ALMS1: variants seen among roughly 807,000 people sequenced by gnomAD.
ALMS1 encodes centrosome-associated protein ALMS1.
Under a neutral mutation model 352.2 loss-of-function variants are expected in ALMS1, and 271 were observed. The observed-to-expected ratio is 0.77, with a 90% CI of 0.70 to 0.85. The LOEUF (loss-of-function observed/expected upper bound fraction) is 0.85. ALMS1 is among the 40% of genes least tolerant of loss of function. The pLI is 0.00. For missense variants in ALMS1, 5,445 were observed against 4,870.7 expected, an observed-to-expected ratio of 1.12 and a Z score of -3.51; for synonymous variants, 1,865 against 1,761.2, an observed-to-expected ratio of 1.06 and a Z score of -1.48.
At chr2:73,598,903 C>T (rs767814068) in intron 16 of ALMS1, among the ~76,000 whole-genome samples, 1 of 152,188 alleles carries the variant, frequency 6.6e-6, no homozygotes, top group Non-Finnish European at 1.5e-5. Context: ...CTTTGGGACT[C>T]TCTAATACTT....
intron 3 of ALMS1, 86 bp from the exon 4 acceptor site, chr2:73,422,771 A>T (rs1671308384): frequency 3.8e-6 from 4 of 1,045,666 alleles, no homozygotes; most frequent in Non-Finnish European, 6.0e-6. Context: ...ATATGGCAGC[A>T]TATGTAGGTG....
At chr2:73,575,814 T>C (rs1345695613) in intron 16 of ALMS1, among the ~76,000 whole-genome samples, 1 of 151,964 alleles carries the variant, frequency 6.6e-6, no homozygotes, top group East Asian at 1.9e-4. Flanking sequence ...TCTTCTGACA[T>C]ATAGAAGTTT....
At chr2:73,557,061 A>G (rs76703498) in intron 13 of ALMS1, among the ~76,000 whole-genome samples, 159 bp from the exon 14 acceptor site, 1,701 of 152,244 alleles carry the variant, frequency 0.011, 32 homozygotes, top group African/African-American at 0.038. Flanking sequence ...AAATTTTTCA[A>G]TTCATGTCAC....
rs370733145 is a variant in ALMS1, at chr2:73,449,375, G to T, written c.2848G>T (p.Val950Leu). The change falls in exon 8 of 23, where the codon GTG (valine) becomes TTG (leucine). Residue 950 changes from valine (V) to leucine (L), a missense_variant. Transcript: ENST00000613296. Reference sequence around the variant, plus strand: ...TGCCCAGAAGACTGGGACACCAACAGTGTCCTCTAATTCTCACTCACATAG... The same window carrying T: ...TGCCCAGAAGACTGGGACACCAACATTGTCCTCTAATTCTCACTCACATAG... ...LAAQKTGTPT[V>L]SSNSHSHSEK... The T allele has an allele frequency of 5.6e-6, 9 of 1,613,958 alleles. No individual in the cohort carries two copies. In the African/African-American group the frequency reaches 6.7e-5, roughly 12 times the overall value.
chr2:73,572,854 T>C lies in ALMS1; in HGVS notation c.10977T>C (p.Ser3659=), dbSNP rs1674968438. ...STHDDSRGER[S]VKEWSGRQQQ... is the part of the protein sequence containing the mutation. ...ATGATGATAGCAGAGGGGAACGAAGTGTGAAGGAATGGAGTGGTAGACAAC... is the reference window on the plus strand; with the variant it reads ...ATGATGATAGCAGAGGGGAACGAAGCGTGAAGGAATGGAGTGGTAGACAAC... Residue 3659 remains serine, a synonymous_variant, in exon 16 of 23, where the codon AGT becomes AGC. Transcript: ENST00000613296. The C allele has an allele frequency of 1.2e-6, 2 of 1,613,746 alleles. No homozygotes were observed. The highest frequency in any genetic ancestry group is 2.7e-5 in the African/African-American group (2 of 74,812).
At chr2:73,415,875 T>C (rs937508359) in intron 2 of ALMS1, among the ~76,000 whole-genome samples, 4 of 152,070 alleles carry the variant, frequency 2.6e-5, no homozygotes, top group African/African-American at 9.7e-5. Context: ...GGCTCTGAAC[T>C]CTCAGAGGGG....
chr2:73,497,234 A>G (rs559086878), intron 10 of ALMS1, among the ~76,000 whole-genome samples: 1 of 152,044 alleles, frequency 6.6e-6, no homozygotes, highest in African/African-American at 2.4e-5. Flanking sequence ...TTCTCTGATT[A>G]TTTTAATTTT....
intron 15 of ALMS1, among the ~76,000 whole-genome samples, chr2:73,562,615 C>T (rs560266126): frequency 1.2e-4 from 18 of 152,050 alleles, no homozygotes; most frequent in Non-Finnish European, 2.5e-4. Flanking sequence ...AGGCCAGACG[C>T]GGTGGCTCAT....
At chr2:73,598,535 A>T (rs1469223390) in intron 16 of ALMS1, among the ~76,000 whole-genome samples, 1 of 152,192 alleles carries the variant, frequency 6.6e-6, no homozygotes, top group African/African-American at 2.4e-5. Context: ...TGACTCTGGA[A>T]TATGGTTTAT....
chr2:73,440,856 C>T (rs972618184), intron 7 of ALMS1, among the ~76,000 whole-genome samples: 1 of 152,184 alleles, frequency 6.6e-6, no homozygotes, highest in Non-Finnish European at 1.5e-5. Flanking sequence ...GTTTAGCAGG[C>T]AGTTGCTCTA....
chr2:73,459,694 T>G (rs1239931439), intron 9 of ALMS1, among the ~76,000 whole-genome samples: 1 of 152,174 alleles, frequency 6.6e-6, no homozygotes, highest in Admixed American at 6.5e-5. Context: ...GTTCTTATGA[T>G]CCCATCATTT....
chr2:73,466,232 C>T (rs575072063), intron 9 of ALMS1, among the ~76,000 whole-genome samples: 3 of 151,994 alleles, frequency 2.0e-5, no homozygotes, highest in African/African-American at 2.4e-5. Context: ...TTGGAACCAA[C>T]CCAAATGTCC....
At chr2:73,473,091 A>G (rs1354245056) in intron 9 of ALMS1, among the ~76,000 whole-genome samples, 1 of 152,090 alleles carries the variant, frequency 6.6e-6, no homozygotes, top group Non-Finnish European at 1.5e-5. Flanking sequence ...CTAGGATTGG[A>G]CAACTCCTCA....
intron 9 of ALMS1, among the ~76,000 whole-genome samples, chr2:73,482,082 C>G (rs957723010): frequency 6.6e-6 from 1 of 152,106 alleles, no homozygotes; most frequent in Non-Finnish European, 1.5e-5. Flanking sequence ...CTTCTCCTGC[C>G]TAATTGCCCT....
chr2:73,427,087 T>C (rs912032237), intron 6 of ALMS1, among the ~76,000 whole-genome samples: 1 of 152,212 alleles, frequency 6.6e-6, no homozygotes, highest in African/African-American at 2.4e-5. Context: ...GCAGCCTAAC[T>C]CTTCCTAGTT....
intron 15 of ALMS1, among the ~76,000 whole-genome samples, chr2:73,570,428 A>T (rs1674901361): frequency 6.6e-6 from 1 of 152,184 alleles, no homozygotes; most frequent in Non-Finnish European, 1.5e-5. Flanking sequence ...CATTGATCAT[A>T]TTAGCAAGAG....
intron 7 of ALMS1, among the ~76,000 whole-genome samples, chr2:73,439,021 T>TTTTTTTCTTC (rs770910835): frequency 6.6e-6 from 1 of 151,870 alleles, no homozygotes; most frequent in Non-Finnish European, 1.5e-5. Flanking sequence ...CTCCTCCTCC[T>TTTTTTTCTTC]TTTTTTCTTC....
At chr2:73,484,344 G>A (rs960880103) in intron 9 of ALMS1, among the ~76,000 whole-genome samples, 33 of 150,452 alleles carry the variant, frequency 2.2e-4, no homozygotes, top group South Asian at 2.1e-4. Flanking sequence ...GCTTAGTTTG[G>A]CTGGATATGA....
At chr2:73,544,485 T>TG (rs1313916060) in intron 12 of ALMS1, among the ~76,000 whole-genome samples, 2 of 152,128 alleles carry the variant, frequency 1.3e-5, no homozygotes, top group South Asian at 4.2e-4. Context: ...CTGCACGTTG[T>TG]CACATGTACC....
Sources: allele counts gnomAD v4.1 joint callset (sites outside exome capture counted in the v4.1 genomes callset), GRCh38; gene constraint gnomAD v4.1.1; transcripts MANE v1.5; gene names NCBI Gene and HGNC (gene_info 2026-07-23, HGNC 2026-07-21).